The following PLA2G6 variants were observed in gnomAD, a reference collection of about 807,000 sequenced individuals.
PLA2G6 encodes the protein 85/88 kDa calcium-independent phospholipase A2.
PLA2G6 carries 62 observed loss-of-function variants against 83.8 expected under a neutral mutation model. The observed-to-expected ratio is 0.74, with a 90% CI of 0.60 to 0.91. The LOEUF (loss-of-function observed/expected upper bound fraction) is 0.91, where lower values mean the gene tolerates loss of function less well. Among genes scored for constraint, PLA2G6 ranks in the 40% least tolerant of loss-of-function variants. PLA2G6 has a pLI of 0.00. For synonymous variants in PLA2G6, 417 were observed against 449.8 expected, an observed-to-expected ratio of 0.93 and a Z score of 0.92; for missense variants, 944 against 1,102.0, an observed-to-expected ratio of 0.86 and a Z score of 2.03.
chr22:38,134,785 G>A, intron 6 of PLA2G6: 1 of 586,702 alleles, frequency 1.7e-6, no homozygotes, highest in Non-Finnish European at 3.1e-6. Context: ...GAGGCACAGG[G>A]CGGATCCCCC....
At chr22:38,176,623 G>T (rs1267108020) in intron 1 of PLA2G6, among the ~76,000 whole-genome samples, 6 of 152,152 alleles carry the variant, frequency 3.9e-5, no homozygotes, top group Non-Finnish European at 7.3e-5. Flanking sequence ...AGCTCCGTCT[G>T]TGCCACACAG....
intron 10 of PLA2G6, among the ~76,000 whole-genome samples, chr22:38,125,286 G>A (rs138967892): frequency 7.6e-4 from 115 of 152,248 alleles, no homozygotes; most frequent in Non-Finnish European, 1.3e-3. Flanking sequence ...TGGGCAACCC[G>A]CAGGCATGTG....
chr22:38,139,065 C>A (rs1445030309), intron 5 of PLA2G6: 1 of 152,190 alleles, frequency 6.6e-6, no homozygotes, highest in African/African-American at 2.4e-5. Flanking sequence ...GGTTCCCAGG[C>A]TCCCAAAACA....
At chr22:38,121,061 C>A in intron 11 of PLA2G6, 152 bp from the exon 12 acceptor site, 2 of 736,128 alleles carry the variant, frequency 2.7e-6, no homozygotes, top group Non-Finnish European at 4.5e-6. Flanking sequence ...CCTTCCTTTG[C>A]AACCTCCCAG....
At chr22:38,113,970 G>A in intron 14 of PLA2G6, 2 of 458,014 alleles carry the variant, frequency 4.4e-6, no homozygotes, top group South Asian at 1.9e-5. Context: ...GTGGCCAGGG[G>A]AGGAAAGGCA....
Position 38,123,001 on chromosome 22 carries a change from C to T in PLA2G6, c.1591+94G>A. 8.1e-7 allele frequency: 1 copy of T among 1,238,716 alleles called. No homozygotes were observed. Among genetic ancestry groups the T allele is most frequent in the Non-Finnish European group, 1.1e-6 (1 of 877,290 alleles). 76.7% of individuals were successfully genotyped at this position (1,238,716 alleles called of 1,614,324 possible). On this transcript the variant is annotated intron_variant, in intron 11 of 16. Coordinates refer to ENST00000332509, the MANE Select transcript of PLA2G6 (RefSeq NM_003560.4). This position sits in a 1 kb window ranked among gnomAD's most constrained non-coding sequence, Gnocchi z 4.1. Reference sequence around the variant, plus strand: ...TGCTTATAGCCCTCCTCTACTCCTCCACTCTCTTTTTGCAAAGCCCTGAAG... The same window carrying T: ...TGCTTATAGCCCTCCTCTACTCCTCTACTCTCTTTTTGCAAAGCCCTGAAG...
intron 1 of PLA2G6, among the ~76,000 whole-genome samples, chr22:38,171,425 A>C (rs1253282812): frequency 6.6e-6 from 1 of 152,092 alleles, no homozygotes; most frequent in African/African-American, 2.4e-5. Flanking sequence ...ACAGTGGCTC[A>C]ATCATGGCTC....
rs1334043526 is a variant in PLA2G6, at chr22:38,142,718, C to T, written c.609+387G>A. On this transcript the variant is annotated intron_variant, in intron 4 of 16. Coordinates refer to ENST00000332509, the MANE Select transcript of PLA2G6 (RefSeq NM_003560.4). Reference sequence around the variant, plus strand: ...GGGCTGCATGCAGCCTGCAGGGCCACAGATTGGACAAGCTTGCAAAAGGTT... The same window carrying T: ...GGGCTGCATGCAGCCTGCAGGGCCATAGATTGGACAAGCTTGCAAAAGGTT... 4 of 341,850 alleles carry T rather than the reference C, an allele frequency of 1.2e-5. No individual in the cohort carries two copies. The East Asian group carries it at 2.9e-4, about 25-fold the overall frequency. 21.2% of individuals were successfully genotyped at this position (341,850 alleles called of 1,614,324 possible).
intron 5 of PLA2G6, chr22:38,139,314 A>T (rs577838193): frequency 5.3e-5 from 8 of 152,136 alleles, no homozygotes; most frequent in Non-Finnish European, 1.0e-4. Context: ...CCTGGAGGGG[A>T]GCTGGAAAGA....
At chr22:38,145,136 G>C (rs1040579051) in intron 3 of PLA2G6, 33 of 405,858 alleles carry the variant, frequency 8.1e-5, no homozygotes, top group Middle Eastern at 7.9e-4. Flanking sequence ...CTAACTCCTG[G>C]GCTCAAGCAA....
chr22:38,171,073 G>A (rs1451043054), intron 1 of PLA2G6, among the ~76,000 whole-genome samples: 3 of 151,598 alleles, frequency 2.0e-5, no homozygotes, highest in Non-Finnish European at 4.4e-5. Flanking sequence ...TTGGGAGGCT[G>A]AGGCAGAAGA....
intron 14 of PLA2G6, among the ~76,000 whole-genome samples, chr22:38,114,268 C>T (rs1322970184): frequency 6.6e-6 from 1 of 151,976 alleles, no homozygotes; most frequent in Non-Finnish European, 1.5e-5. Context: ...GCAAGCTCCG[C>T]CTCCTGGGTT....
chr22:38,176,679 C>T (rs1028448522), intron 1 of PLA2G6, among the ~76,000 whole-genome samples: 1 of 152,178 alleles, frequency 6.6e-6, no homozygotes, highest in Non-Finnish European at 1.5e-5. Flanking sequence ...TCTCACAAGG[C>T]CACCATGCCT....
Position 38,120,901 on chromosome 22 carries a change from T to A in PLA2G6, c.1600A>T (p.Met534Leu). 6.2e-7 allele frequency: 1 copy of A among 1,613,544 alleles called. No homozygotes were observed. The highest frequency in any genetic ancestry group is 1.6e-4 in the Middle Eastern group (1 of 6,062). ...AAGTACATGCCGCGCATGTAGGCCATGGACTTACCTAGGAACAAAGGGGTC... is the reference window on the plus strand; with the variant it reads ...AAGTACATGCCGCGCATGTAGGCCAAGGACTTACCTAGGAACAAAGGGGTC... ...LALAILHSKS[M>L]AYMRGMYFRM... The change falls in exon 12 of 17, where the codon ATG (methionine) becomes TTG (leucine). Residue 534 changes from methionine (M) to leucine (L), a missense_variant. Physicochemically the swap from Met to Leu is conservative, Grantham distance 15. Coordinates refer to ENST00000332509, the MANE Select transcript of PLA2G6 (RefSeq NM_003560.4).
Position 38,111,985 on chromosome 22 carries a change from T to C in PLA2G6, c.*176A>G. On this transcript the variant is annotated 3_prime_UTR_variant, in exon 17 of 17. Transcript: ENST00000332509. ...AGAAAGTGCTGGAAGGCGGGGTTAG[T>C]GGGAGACAGGCCTTCAGGACCAGCC... 1.4e-6 allele frequency: 1 copy of C among 696,078 alleles called. No individual in the cohort carries two copies. Among genetic ancestry groups the C allele is most frequent in the East Asian group, 2.7e-5 (1 of 36,802 alleles). The allele number at this position is 696,078 out of a possible 1,614,324, so 43.1% of individuals were successfully genotyped here.
intron 4 of PLA2G6, chr22:38,142,867 G>C (rs969977938): frequency 1.7e-6 from 1 of 585,620 alleles, no homozygotes; most frequent in African/African-American, 1.9e-5. Context: ...TTATTTTGCT[G>C]GGTTGGAGGC....
chr22:38,125,293 TGTGCATGTGGGTGTGTGTGC>T (rs1221652993), intron 10 of PLA2G6, among the ~76,000 whole-genome samples: 1 of 152,094 alleles, frequency 6.6e-6, no homozygotes, highest in Non-Finnish European at 1.5e-5. Context: ...CCCGCAGGCA[TGTGCATGTGGGTGTGTGTGC>T]GTGCATGTGT....
rs950269671 is a variant in PLA2G6 at position 38,175,988 on chromosome 22, C to T, written c.-46+5676G>A. On this transcript the variant is annotated intron_variant, in intron 1 of 16. Coordinates refer to ENST00000332509, the MANE Select transcript of PLA2G6 (RefSeq NM_003560.4). ...ATTCCCTTGAAGGTGATAACAGGGA[C>T]CACACACTGTTCCCACCCACTCTGA... Among the ~76,000 whole-genome samples, 4 of 152,156 alleles carry T rather than the reference C, an allele frequency of 2.6e-5. No homozygotes were observed. The South Asian group carries it at 8.3e-4, about 32-fold the overall frequency.
intron 5 of PLA2G6, chr22:38,139,214 T>C (rs1602157457): frequency 6.6e-6 from 1 of 151,918 alleles, no homozygotes; most frequent in Non-Finnish European, 1.5e-5. Context: ...ACTGAAGCCA[T>C]CGGGGGGCTG....
Sources: allele counts gnomAD v4.1 joint callset (sites outside exome capture counted in the v4.1 genomes callset), GRCh38; gene constraint gnomAD v4.1.1; non-coding constraint Gnocchi (gnomAD v3.1); transcripts MANE v1.5; gene names NCBI Gene and HGNC (gene_info 2026-07-23, HGNC 2026-07-21).